STXBP5: variants seen among roughly 807,000 people sequenced by gnomAD.
STXBP5 encodes syntaxin binding protein 5.
A neutral mutation model predicts 152.4 loss-of-function variants in STXBP5; 50 were observed. That is an observed-to-expected ratio of 0.33 (90% CI 0.26 to 0.42). The LOEUF is 0.42. STXBP5 is among the 10% of genes least tolerant of loss of function. The probability of loss-of-function intolerance (pLI) is 1.00; values close to 1 mark genes in which losing one functional copy is unlikely to be tolerated. For missense variants in STXBP5, 1,167 were observed against 1,388.6 expected (o/e 0.84, Z 2.54); for synonymous variants, 492 against 494.7 (o/e 0.99, Z 0.07).
At chr6:147,316,560 T>C (rs753644653) in intron 16 of STXBP5, among the ~76,000 whole-genome samples, 153 bp downstream of exon 16, 1 of 152,202 alleles carries the variant, frequency 6.6e-6, no homozygotes, top group Non-Finnish European at 1.5e-5. Flanking sequence ...GTCCAACTCA[T>C]TTTTCTATGA....
At chr6:147,291,242 CA>C in intron 9 of STXBP5, 70 bp downstream of exon 9, 1 of 1,313,000 alleles carries the variant, frequency 7.6e-7, no homozygotes, top group Non-Finnish European at 1.1e-6. Context: ...GCTATTTTAT[CA>C]TTAATTTTGA....
At chr6:147,378,793 A>C (rs977314926) in intron 26 of STXBP5, among the ~76,000 whole-genome samples, 2 of 152,174 alleles carry the variant, frequency 1.3e-5, no homozygotes, top group African/African-American at 4.8e-5. Flanking sequence ...AGTAATAAAA[A>C]ATGAAAAACT....
chr6:147,350,830 G>A (rs1784557531), intron 21 of STXBP5, among the ~76,000 whole-genome samples: 2 of 152,172 alleles, frequency 1.3e-5, no homozygotes, highest in Middle Eastern at 6.8e-3. Context: ...TCAGTTCTTT[G>A]CTTATGTCAT....
In STXBP5 at chr6:147,211,051, G is replaced by T. The variant is rs150758658; in HGVS notation, c.248+4983G>T. 2.0e-5 allele frequency among the ~76,000 whole-genome samples: 3 copies of T among 152,202 alleles called. No individual in the cohort carries two copies. The East Asian group carries it at 5.8e-4, about 29-fold the overall frequency. ...TGTTCAGCCTGGCACAGAGGCTCACGCCTGTAATCCCAGCACTTTGGGAGG... is the reference window on the plus strand; with the variant it reads ...TGTTCAGCCTGGCACAGAGGCTCACTCCTGTAATCCCAGCACTTTGGGAGG... On this transcript the variant is annotated intron_variant, in intron 2 of 27. Transcript: ENST00000321680.
intron 9 of STXBP5, among the ~76,000 whole-genome samples, chr6:147,304,873 T>A (rs1289040152): frequency 6.6e-6 from 1 of 152,156 alleles, no homozygotes; most frequent in East Asian, 1.9e-4. Context: ...TTCTCCCATT[T>A]GGAATGGGAG....
At chr6:147,253,564 G>A (rs537455237) in intron 4 of STXBP5, among the ~76,000 whole-genome samples, 6 of 152,274 alleles carry the variant, frequency 3.9e-5, no homozygotes, top group East Asian at 1.9e-4. Flanking sequence ...CATCGTCTCA[G>A]CCCAAAATCT....
intron 22 of STXBP5, among the ~76,000 whole-genome samples, chr6:147,358,416 G>T (rs901104624): frequency 1.2e-4 from 19 of 152,158 alleles, no homozygotes; most frequent in African/African-American, 4.1e-4. Context: ...TGCACATTCA[G>T]ATATTCATCG....
Position 147,321,972 on chromosome 6 carries a change from C to T in STXBP5, c.1803-2987C>T, listed in dbSNP as rs558173350. Among the ~76,000 whole-genome samples, 19 of 152,208 alleles carry T rather than the reference C, an allele frequency of 1.2e-4. 1 individual carries two copies. The highest frequency in any genetic ancestry group is 1.1e-3 in the Admixed American group (17 of 15,284). On this transcript the variant is annotated intron_variant, in intron 16 of 27. Coordinates refer to ENST00000321680, the MANE Select transcript of STXBP5 (RefSeq NM_001127715.4). ...CTGCCTTTTTATTTTTACTTAAGAA[C>T]GTTTTTTTGTTTCCTTATACTAACT... is the stretch of plus-strand genomic sequence containing the variant.
intron 21 of STXBP5, 98 bp from the exon 22 acceptor site, chr6:147,353,224 AT>A: frequency 1.5e-6 from 1 of 676,478 alleles, no homozygotes; most frequent in Middle Eastern, 3.7e-4. Flanking sequence ...CGGCATCTAG[AT>A]TTAGTAATAA....
chr6:147,342,058 A>G (rs1362188807), intron 21 of STXBP5, among the ~76,000 whole-genome samples: 3 of 152,212 alleles, frequency 2.0e-5, no homozygotes, highest in African/African-American at 4.8e-5. Context: ...ACACTGTGCT[A>G]TGTTATCTCT....
chr6:147,261,570 A>G (rs370623813), intron 5 of STXBP5, among the ~76,000 whole-genome samples: 12 of 152,174 alleles, frequency 7.9e-5, no homozygotes, highest in East Asian at 5.8e-4. Context: ...ATGTGTTAGT[A>G]TAGCTGTAAT....
intron 17 of STXBP5, among the ~76,000 whole-genome samples, chr6:147,325,331 T>G (rs954288713): frequency 6.6e-6 from 1 of 152,206 alleles, no homozygotes; most frequent in Non-Finnish European, 1.5e-5. Flanking sequence ...TTATTTGTGA[T>G]GAAGTTTTAA....
chr6:147,364,202 G>A (rs766979920), intron 25 of STXBP5, 36 bp downstream of exon 25: 24 of 1,583,078 alleles, frequency 1.5e-5, no homozygotes, highest in Non-Finnish European at 2.0e-5. Flanking sequence ...TTTCTTCAGA[G>A]GTAAAGTATT....
intron 4 of STXBP5, among the ~76,000 whole-genome samples, chr6:147,257,868 G>A (rs890687773): frequency 6.6e-6 from 1 of 152,078 alleles, no homozygotes; most frequent in Non-Finnish European, 1.5e-5. Context: ...CTGTTGGGTC[G>A]GCAACCTGGG....
intron 11 of STXBP5, 68 bp downstream of exon 11, chr6:147,311,595 C>CTAATGCTATGATAAA: frequency 1.7e-6 from 2 of 1,195,308 alleles, no homozygotes; most frequent in Non-Finnish European, 2.4e-6. Context: ...TTTATCATAG[C>CTAATGCTATGATAAA]ATTAGCTATT....
At chr6:147,291,314 A>G in intron 9 of STXBP5, 142 bp downstream of exon 9, 1 of 561,534 alleles carries the variant, frequency 1.8e-6, no homozygotes, top group Non-Finnish European at 2.9e-6. Flanking sequence ...ATTTAACAAA[A>G]GAAGTAAAAT....
chr6:147,318,373 C>A (rs1782747854), intron 16 of STXBP5, among the ~76,000 whole-genome samples: 1 of 152,016 alleles, frequency 6.6e-6, no homozygotes, highest in African/African-American at 2.4e-5. Context: ...ACTGAAAGAG[C>A]AAGGATAATA....
intron 3 of STXBP5, among the ~76,000 whole-genome samples, chr6:147,235,746 C>T (rs530779821): frequency 6.6e-6 from 1 of 152,250 alleles, no homozygotes; most frequent in South Asian, 2.1e-4. Flanking sequence ...GTAGTTTCTG[C>T]CCAGAGTTCT....
At chr6:147,334,861 G>C (rs960196051) in intron 19 of STXBP5, among the ~76,000 whole-genome samples, 8 of 152,004 alleles carry the variant, frequency 5.3e-5, no homozygotes, top group African/African-American at 1.9e-4. Flanking sequence ...TTATTCACCA[G>C]TTTTCTAGTG....
Sources: gnomAD v4.1 joint callset for allele counts (sites outside exome capture counted in the v4.1 genomes callset) on GRCh38, gnomAD v4.1.1 for gene constraint, MANE v1.5 for transcripts, NCBI Gene and HGNC (gene_info 2026-07-23, HGNC 2026-07-21) for gene names.